The following HOMER2 variants were observed in gnomAD, a reference collection of about 807,000 sequenced individuals.
HOMER2 encodes the protein homer scaffold protein 2, also known as homer protein homolog 2.
In HOMER2, 27 loss-of-function variants were observed where a neutral mutation model predicts 47.0. The observed-to-expected ratio is 0.57, with a 90% CI of 0.42 to 0.79. The LOEUF is 0.79. Ranked by LOEUF, HOMER2 falls within the 30% of genes least tolerant of loss-of-function variation. HOMER2 has a pLI of 0.00. For missense variants in HOMER2, 443 were observed against 435.0 expected, an observed-to-expected ratio of 1.02 and a Z score of -0.16; for synonymous variants, 161 against 163.8, an observed-to-expected ratio of 0.98 and a Z score of 0.13.
At chr15:82,868,046 A>AAT (rs1303356374) in intron 3 of HOMER2, among the ~76,000 whole-genome samples, 2 of 151,980 alleles carry the variant, frequency 1.3e-5, no homozygotes, top group Non-Finnish European at 1.5e-5. Context: ...TTCTTAAAAA[A>AAT]ATATATATAT....
chr15:82,919,123 A>G (rs558090852), intron 1 of HOMER2, among the ~76,000 whole-genome samples: 1 of 152,330 alleles, frequency 6.6e-6, no homozygotes, highest in South Asian at 2.1e-4. Flanking sequence ...TGCTGTAAAC[A>G]TATTTTCCAT....
intron 1 of HOMER2, among the ~76,000 whole-genome samples, chr15:82,918,423 G>A (rs2053644077): frequency 6.6e-6 from 1 of 152,142 alleles, no homozygotes; most frequent in Admixed American, 6.5e-5. Flanking sequence ...GGATACCACA[G>A]TGCTCAGATT....
intron 1 of HOMER2, among the ~76,000 whole-genome samples, chr15:82,962,227 G>A (rs1244848409): frequency 2.0e-5 from 3 of 151,914 alleles, no homozygotes; most frequent in Non-Finnish European, 4.4e-5. Context: ...AAAATTAGCC[G>A]GGTGCAGTGG....
chr15:82,932,184 C>G (rs2151198150), intron 1 of HOMER2, among the ~76,000 whole-genome samples: 1 of 152,296 alleles, frequency 6.6e-6, no homozygotes, highest in Middle Eastern at 3.4e-3. Flanking sequence ...TGCAGGAGAG[C>G]TCATTCCCGA....
intron 4 of HOMER2, among the ~76,000 whole-genome samples, chr15:82,861,158 T>C (rs2051777353): frequency 6.6e-6 from 1 of 152,208 alleles, no homozygotes; most frequent in African/African-American, 2.4e-5. Flanking sequence ...CAGGCTAAGT[T>C]TGTGGTATGC....
At chr15:82,969,902 C>T (rs2029925801) in intron 1 of HOMER2, among the ~76,000 whole-genome samples, 1 of 152,080 alleles carries the variant, frequency 6.6e-6, no homozygotes, top group East Asian at 1.9e-4. Context: ...CCTTTGTATC[C>T]TCAACAACTA....
At chr15:82,970,253 A>T (rs1044171059) in intron 1 of HOMER2, among the ~76,000 whole-genome samples, 8 of 152,222 alleles carry the variant, frequency 5.3e-5, no homozygotes, top group Admixed American at 2.6e-4. Context: ...CTTGGGGACT[A>T]TTAGGAGTAT....
In HOMER2 at chr15:82,859,020, C is replaced by T; in HGVS notation, c.494+9G>A. 2 of 1,608,402 alleles carry T rather than the reference C, an allele frequency of 1.2e-6. No homozygotes were observed. The highest frequency in any genetic ancestry group is 1.7e-6 in the Non-Finnish European group (2 of 1,176,080). On this transcript the variant is annotated intron_variant, in intron 5 of 8. Transcript: ENST00000450735. Reference sequence around the variant, plus strand: ...AGAAAATAGAATCTGGACTTTAAAACAGCCTTACCTCTGCGTCAAGGCAAT... The same window carrying T: ...AGAAAATAGAATCTGGACTTTAAAATAGCCTTACCTCTGCGTCAAGGCAAT...
chr15:82,972,682 T>TA (rs943615172), intron 1 of HOMER2, among the ~76,000 whole-genome samples: 18 of 147,286 alleles, frequency 1.2e-4, no homozygotes, highest in Non-Finnish European at 1.7e-4. Flanking sequence ...AACTCTGCCT[T>TA]AAAAAAAAAA....
intron 3 of HOMER2, among the ~76,000 whole-genome samples, chr15:82,869,846 A>C (rs918444654): frequency 1.3e-4 from 20 of 152,106 alleles, no homozygotes; most frequent in African/African-American, 4.8e-4. Flanking sequence ...AGGGCTTTTA[A>C]ATTTTTTTTA....
upstream of HOMER2, among the ~76,000 whole-genome samples, chr15:82,954,280 T>C (rs2151245537): frequency 6.6e-6 from 1 of 151,942 alleles, no homozygotes; most frequent in South Asian, 2.1e-4. Flanking sequence ...AGTTTTTCAT[T>C]TTTATTTTAT....
At chr15:82,941,891 C>A (rs893475610) in intron 1 of HOMER2, among the ~76,000 whole-genome samples, 1 of 152,174 alleles carries the variant, frequency 6.6e-6, no homozygotes, top group Non-Finnish European at 1.5e-5. Context: ...TTATTATTCT[C>A]ATTTCACAGA....
In HOMER2 at chr15:82,983,657, C is replaced by T. The variant is rs972675101; in HGVS notation, n.82+2130G>A. Among the ~76,000 whole-genome samples the T allele has an allele frequency of 2.6e-5, 4 of 151,764 alleles. No individual in the cohort carries two copies. In the South Asian group the frequency reaches 6.3e-4, roughly 24 times the overall value. Reference sequence around the variant, plus strand: ...AGGCTGGAGGGCAGTGGTGCAATCTCGGCTCACTGCAACCTCTGCCTCCCA... The same window carrying T: ...AGGCTGGAGGGCAGTGGTGCAATCTTGGCTCACTGCAACCTCTGCCTCCCA... On this transcript the variant is annotated intron_variant and non_coding_transcript_variant, in intron 1 of 1. Coordinates refer to the HOMER2 transcript ENST00000500334.
At chr15:82,953,853 A>G (rs1038215873), upstream of HOMER2, among the ~76,000 whole-genome samples, 1 of 152,208 alleles carries the variant, frequency 6.6e-6, no homozygotes, top group African/African-American at 2.4e-5. Context: ...ACTGCACTCC[A>G]GCCTGGGCAA....
At chr15:82,862,464 A>AG (rs998447379) in intron 4 of HOMER2, among the ~76,000 whole-genome samples, 2 of 152,182 alleles carry the variant, frequency 1.3e-5, no homozygotes, top group African/African-American at 4.8e-5. Context: ...AACTTTTGAG[A>AG]GGGGGTAAAT....
At chr15:82,871,480 G>C (rs957083838) in intron 3 of HOMER2, among the ~76,000 whole-genome samples, 1 of 152,174 alleles carries the variant, frequency 6.6e-6, no homozygotes, top group African/African-American at 2.4e-5. Flanking sequence ...CTCTGTGCTA[G>C]CTAACTGTCA....
chr15:82,948,344 T>C (rs1174126039), intron 1 of HOMER2, among the ~76,000 whole-genome samples: 5 of 139,824 alleles, frequency 3.6e-5, no homozygotes, highest in African/African-American at 1.4e-4. Context: ...TGAGCCAAGA[T>C]CGCGCCACTG....
At chr15:82,932,080 G>A (rs2054025680) in intron 1 of HOMER2, among the ~76,000 whole-genome samples, 1 of 152,126 alleles carries the variant, frequency 6.6e-6, no homozygotes, top group Non-Finnish European at 1.5e-5. Context: ...CAGGCCTGGG[G>A]GGCCTAATTC....
chr15:82,935,540 T>C (rs1404177374), intron 1 of HOMER2, among the ~76,000 whole-genome samples: 1 of 151,838 alleles, frequency 6.6e-6, no homozygotes, highest in Non-Finnish European at 1.5e-5. Context: ...TTCATACAAT[T>C]ACCTACCTCC....
Sources: gnomAD v4.1 joint callset for allele counts (sites outside exome capture counted in the v4.1 genomes callset) on GRCh38, gnomAD v4.1.1 for gene constraint, MANE v1.5 for transcripts, NCBI Gene and HGNC (gene_info 2026-07-23, HGNC 2026-07-21) for gene names.